The following BAZ2B variants were observed in gnomAD, a reference collection of about 807,000 sequenced individuals.
BAZ2B encodes the protein bromodomain adjacent to zinc finger domain protein 2B.
Under a neutral mutation model 246.0 loss-of-function variants are expected in BAZ2B, and 91 were observed. That is an observed-to-expected ratio of 0.37 (90% CI 0.31 to 0.44). The LOEUF is 0.44. Among genes scored for constraint, BAZ2B ranks in the 20% least tolerant of loss-of-function variants. BAZ2B has a pLI of 1.00. For synonymous variants in BAZ2B, 855 were observed against 860.0 expected (o/e 0.99, Z 0.10); for missense variants, 2,332 against 2,533.7 (o/e 0.92, Z 1.71).
intron 2 of BAZ2B, among the ~76,000 whole-genome samples, chr2:159,543,785 T>C (rs2086951271): frequency 6.6e-6 from 1 of 152,216 alleles, no homozygotes; most frequent in South Asian, 2.1e-4. Flanking sequence ...CCACCTACCT[T>C]GGCCTCCCAA....
At chr2:159,699,257 C>T in the BAZ2B span, among the ~76,000 whole-genome samples, 1 of 152,212 alleles carries the variant, frequency 6.6e-6, no homozygotes, top group Middle Eastern at 3.4e-3. Context: ...TTAAAAAGCT[C>T]CAGGGTCAGG....
chr2:159,691,722 G>A, the BAZ2B span, among the ~76,000 whole-genome samples: 1 of 152,238 alleles, frequency 6.6e-6, no homozygotes, highest in East Asian at 1.9e-4. Flanking sequence ...GTTACTCAAG[G>A]TTTACGGTAT....
At chr2:159,486,584 T>A (rs2079856789) in intron 2 of BAZ2B, among the ~76,000 whole-genome samples, 1 of 151,372 alleles carries the variant, frequency 6.6e-6, no homozygotes, top group Non-Finnish European at 1.5e-5. Flanking sequence ...GGGCTTTTCT[T>A]TTTCTTCTTC....
At chr2:159,481,493 A>G (rs1386257907) in intron 2 of BAZ2B, among the ~76,000 whole-genome samples, 2 of 151,766 alleles carry the variant, frequency 1.3e-5, no homozygotes, top group Admixed American at 1.3e-4. Flanking sequence ...GCAGTGGGTC[A>G]AAATTTGAGG....
At chr2:159,606,639 C>CAA (rs1693563563) in intron 1 of BAZ2B, among the ~76,000 whole-genome samples, 2 of 152,018 alleles carry the variant, frequency 1.3e-5, no homozygotes, top group Non-Finnish European at 2.9e-5. Context: ...AAAACTTATC[C>CAA]TTGTACAAGA....
chr2:159,644,101 A>G, the BAZ2B span, among the ~76,000 whole-genome samples: 1 of 152,162 alleles, frequency 6.6e-6, no homozygotes, highest in Non-Finnish European at 1.5e-5. Context: ...CATCTCTAAT[A>G]AAGGATTAAA....
At chr2:159,530,741 T>G (rs2085293738) in intron 2 of BAZ2B, among the ~76,000 whole-genome samples, 2 of 152,052 alleles carry the variant, frequency 1.3e-5, no homozygotes, top group Admixed American at 6.6e-5. Flanking sequence ...AGGCCAAGGT[T>G]GGTGGATCAC....
the BAZ2B span, among the ~76,000 whole-genome samples, chr2:159,622,922 T>A: frequency 1.4e-5 from 2 of 143,532 alleles, no homozygotes. Context: ...CAGTAAGTCA[T>A]GATCAAACCA....
At position 159,545,875 on chromosome 2, in the gene BAZ2B, CTTA is replaced by C. The variant is rs1435966235; in HGVS notation, c.-3+9945_-3+9947del. On this transcript the variant is annotated intron_variant, in intron 2 of 36. Coordinates refer to ENST00000392783, the MANE Select transcript of BAZ2B (RefSeq NM_013450.4). ...TTGTGAAACACCCTCCACCGACTGA[CTTA>C]TTATATTGTTACTGAAATATAGAAA... Among the ~76,000 whole-genome samples, 8 of 152,272 alleles carry C rather than the reference CTTA, an allele frequency of 5.3e-5. No homozygotes were observed. The East Asian group carries it at 1.4e-3, about 26-fold the overall frequency.
intron 1 of BAZ2B, among the ~76,000 whole-genome samples, chr2:159,609,030 A>G (rs1305974947): frequency 6.6e-6 from 1 of 152,214 alleles, no homozygotes; most frequent in African/African-American, 2.4e-5. Flanking sequence ...ATTTTAATAT[A>G]CACAAATCAA....
rs572023907 is a variant in BAZ2B, at chr2:159,452,687, G to C, written c.334+926C>G. ...TATAACAAATTGAAGCACGTTTGTC[G>C]AAAGTTTTAATTAACTGATGTCTTA... On this transcript the variant is annotated intron_variant, in intron 4 of 36. Transcript: ENST00000392783. Among the ~76,000 whole-genome samples, 63 of 152,238 alleles carry C rather than the reference G, an allele frequency of 4.1e-4. 2 individuals are homozygous for C. Among genetic ancestry groups the C allele is most frequent in the African/African-American group, 1.4e-3 (60 of 41,552 alleles).
At chr2:159,338,779 T>C (rs980788380) in intron 31 of BAZ2B, among the ~76,000 whole-genome samples, 1 of 152,174 alleles carries the variant, frequency 6.6e-6, no homozygotes, top group Non-Finnish European at 1.5e-5. Context: ...TCTCCAATTG[T>C]CCAAACCATA....
chr2:159,402,078 C>G (rs1454399295), intron 16 of BAZ2B, among the ~76,000 whole-genome samples: 1 of 152,134 alleles, frequency 6.6e-6, no homozygotes, highest in Non-Finnish European at 1.5e-5. Context: ...TTTGATTTTA[C>G]AAGACTGATC....
chr2:159,480,928 G>T (rs2079157487), intron 2 of BAZ2B, among the ~76,000 whole-genome samples: 1 of 151,886 alleles, frequency 6.6e-6, no homozygotes, highest in African/African-American at 2.4e-5. Context: ...TTATTAGCTG[G>T]CTGAGTAGTC....
chr2:159,375,587 G>A (rs894463755), intron 25 of BAZ2B, among the ~76,000 whole-genome samples: 1 of 152,158 alleles, frequency 6.6e-6, no homozygotes, highest in Non-Finnish European at 1.5e-5. Flanking sequence ...AGGTTGTTCT[G>A]GCAATAGTTG....
intron 25 of BAZ2B, among the ~76,000 whole-genome samples, chr2:159,380,882 C>A (rs1409472532): frequency 6.6e-6 from 1 of 152,164 alleles, no homozygotes; most frequent in Non-Finnish European, 1.5e-5. Context: ...TTCCTCTGGA[C>A]TTTGCCCATA....
At chr2:159,612,386 C>A (rs1008683529) in intron 1 of BAZ2B, among the ~76,000 whole-genome samples, 5 of 152,100 alleles carry the variant, frequency 3.3e-5, no homozygotes, top group African/African-American at 1.2e-4. Flanking sequence ...CTTAATTAAT[C>A]CCCCAGGAAA....
intron 27 of BAZ2B, among the ~76,000 whole-genome samples, chr2:159,358,973 T>A (rs1373742645): frequency 6.6e-6 from 1 of 152,018 alleles, no homozygotes. Flanking sequence ...TAGAGAGAAA[T>A]TTATAGCACT....
chr2:159,521,052 T>C (rs886702891), intron 2 of BAZ2B, among the ~76,000 whole-genome samples: 1 of 152,084 alleles, frequency 6.6e-6, no homozygotes, highest in African/African-American at 2.4e-5. Context: ...GTAGTAGTCT[T>C]TAGATTTGGC....
Sources: gnomAD v4.1 joint callset for allele counts (sites outside exome capture counted in the v4.1 genomes callset) on GRCh38, gnomAD v4.1.1 for gene constraint, MANE v1.5 for transcripts, NCBI Gene and HGNC (gene_info 2026-07-23, HGNC 2026-07-21) for gene names.